Variants in ABHD2 observed in about 807,000 individuals in gnomAD.
ABHD2 encodes the protein abhydrolase domain containing 2, acylglycerol lipase.
ABHD2 carries 20 observed loss-of-function variants against 48.1 expected under a neutral mutation model. That is an observed-to-expected ratio of 0.42 (90% CI 0.29 to 0.60). The LOEUF is 0.60. Ranked by LOEUF, ABHD2 falls within the 20% of genes least tolerant of loss-of-function variation. The pLI, the probability that ABHD2 is intolerant of heterozygous loss-of-function variation, is 0.24. For synonymous variants in ABHD2, 209 were observed against 214.2 expected (o/e 0.98, Z 0.21); for missense variants, 405 against 550.9 (o/e 0.74, Z 2.65).
At chr15:89,089,353 C>T (rs1901500306) in intron 1 of ABHD2, among the ~76,000 whole-genome samples, 1 of 152,192 alleles carries the variant, frequency 6.6e-6, no homozygotes, top group South Asian at 2.1e-4. Context: ...TCTGGGGGTC[C>T]ATTAGGTTCC....
upstream of ABHD2, among the ~76,000 whole-genome samples, chr15:89,086,606 G>T (rs1389224575): frequency 2.6e-5 from 4 of 152,062 alleles, no homozygotes; most frequent in Admixed American, 6.5e-5. Context: ...GTAGAGACGG[G>T]GTCTCACTAT....
At position 89,100,080 on chromosome 15, in the gene ABHD2, C is replaced by T. The variant is rs778850623; in HGVS notation, c.-107+11517C>T. Among the ~76,000 whole-genome samples the T allele has an allele frequency of 6.8e-4, 103 of 152,064 alleles. 1 individual carries two copies. The highest frequency in any genetic ancestry group is 1.3e-3 in the Non-Finnish European group (88 of 67,972). The stretch of plus-strand genomic sequence containing the variant: ...TTATGGTCTGGAATGGGAGAAGGAA[C>T]GTGTGTGTGATCCATGTTACCTGTA... On this transcript the variant is annotated intron_variant, in intron 1 of 10. Coordinates refer to ENST00000352732, the MANE Select transcript of ABHD2 (RefSeq NM_152924.5). The surrounding 1 kb of genome is among the most constrained non-coding windows in gnomAD (Gnocchi z 4.4).
intron 3 of ABHD2, among the ~76,000 whole-genome samples, chr15:89,147,741 A>T (rs938257533): frequency 6.6e-6 from 1 of 152,162 alleles, no homozygotes; most frequent in African/African-American, 2.4e-5. Context: ...TTATCTTGTT[A>T]TATAACCATA....
In ABHD2 at chr15:89,152,369, G is replaced by A. The variant is rs184739503; in HGVS notation, c.370+517G>A. ...GCTGGGATTACAGGCGTGAGCCACC[G>A]CCCCCAGCCGTAGAATAGGTTTTAA... On this transcript the variant is annotated intron_variant, in intron 4 of 10. Coordinates refer to ENST00000352732, the MANE Select transcript of ABHD2 (RefSeq NM_152924.5). Among the ~76,000 whole-genome samples the A allele has an allele frequency of 6.6e-5, 10 of 152,186 alleles. No homozygotes were observed. In the East Asian group the frequency reaches 1.2e-3, roughly 18 times the overall value.
chr15:89,144,980 G>GGC (rs1213626539), intron 3 of ABHD2, among the ~76,000 whole-genome samples: 1 of 152,190 alleles, frequency 6.6e-6, no homozygotes, highest in Non-Finnish European at 1.5e-5. Context: ...CAGTAGGCCG[G>GGC]GCACAGTGGC....
At chr15:89,153,089 C>T (rs562959702) in intron 4 of ABHD2, among the ~76,000 whole-genome samples, 1 of 152,238 alleles carries the variant, frequency 6.6e-6, no homozygotes, top group South Asian at 2.1e-4. Flanking sequence ...GTCCCCAGAC[C>T]TTCACATGGC....
chr15:89,191,030 A>G, intron 8 of ABHD2, 50 bp from the exon 9 acceptor site: 1 of 1,587,796 alleles, frequency 6.3e-7, no homozygotes, highest in Non-Finnish European at 8.6e-7. Context: ...CTGATCTTAA[A>G]GACCAATGTT....
the ABHD2 span, among the ~76,000 whole-genome samples, chr15:89,058,247 T>A: frequency 6.6e-6 from 1 of 152,122 alleles, no homozygotes; most frequent in Non-Finnish European, 1.5e-5. Context: ...TCCTTTCAGA[T>A]CGTGAGGAGC....
At chr15:89,143,131 G>A (rs2050431974) in intron 3 of ABHD2, among the ~76,000 whole-genome samples, 1 of 151,988 alleles carries the variant, frequency 6.6e-6, no homozygotes, top group East Asian at 1.9e-4. Flanking sequence ...CATAGCTTCT[G>A]CTATAGCAAG....
chr15:89,156,115 C>CTTT (rs1185978751), intron 5 of ABHD2, among the ~76,000 whole-genome samples: 140 of 85,666 alleles, frequency 1.6e-3, no homozygotes, highest in African/African-American at 2.0e-3. Flanking sequence ...TTTTTATTGT[C>CTTT]TTTTTTTTTT....
rs532656507 is a variant in ABHD2, at chr15:89,145,749, G to A, written c.195-5928G>A. 1.6e-4 allele frequency among the ~76,000 whole-genome samples: 25 copies of A among 152,282 alleles called. No individual in the cohort carries two copies. In the South Asian group the frequency reaches 2.7e-3, roughly 16 times the overall value. On this transcript the variant is annotated intron_variant, in intron 3 of 10. Transcript: ENST00000352732. ...ATTGAAGGCATCCCTTTTAGTTGCC[G>A]TACTCCTGGGACATTGACCTTTGAG...
chr15:89,193,769 G>A (rs560850399), intron 10 of ABHD2, among the ~76,000 whole-genome samples: 1 of 152,254 alleles, frequency 6.6e-6, no homozygotes, highest in East Asian at 1.9e-4. Flanking sequence ...GGGCAATATA[G>A]TAAGACCCTA....
At chr15:89,045,145 C>G in the ABHD2 span, among the ~76,000 whole-genome samples, 1 of 152,110 alleles carries the variant, frequency 6.6e-6, no homozygotes, top group East Asian at 1.9e-4. Context: ...TTCCCAGCAC[C>G]ATTTATTAAA....
rs1458207529 is a variant in ABHD2, at chr15:89,094,196, T to A, written c.-107+5633T>A. ...CTAGAGTGCAGTGGCCCGATCTCGG[T>A]GCACTGCAACCTCTGCTTCCCGGGT... On this transcript the variant is annotated intron_variant, in intron 1 of 10. Coordinates refer to ENST00000352732, the MANE Select transcript of ABHD2 (RefSeq NM_152924.5). The surrounding 1 kb of genome is among the most constrained non-coding windows in gnomAD (Gnocchi z 4.7). 6.6e-6 allele frequency: 1 copy of A among 151,940 alleles called. No individual in the cohort carries two copies. Among genetic ancestry groups the A allele is most frequent in the Non-Finnish European group, 1.5e-5 (1 of 67,972 alleles). 9.4% of individuals were successfully genotyped at this position (151,940 alleles called of 1,614,324 possible). A position where few individuals can be genotyped will look rare whatever the true frequency, so the allele number is the denominator to read the frequency against.
the ABHD2 span, among the ~76,000 whole-genome samples, chr15:89,074,895 G>A: frequency 1.3e-5 from 2 of 152,074 alleles, no homozygotes; most frequent in Non-Finnish European, 2.9e-5. Context: ...TCATATCACT[G>A]ATAACATTTC....
In ABHD2 at chr15:89,140,461, CT is replaced by C. The variant is rs201242807; in HGVS notation, c.195-11207del. Among the ~76,000 whole-genome samples, 14 of 151,226 alleles carry C rather than the reference CT, an allele frequency of 9.3e-5. No homozygotes were observed. The South Asian group carries it at 1.9e-3, about 20-fold the overall frequency. ...GTGATAAATTAAAGATGAATTTCTTCTTTTTTTTTAACGTTACAATATAGTT... is the reference window on the plus strand; with the variant it reads ...GTGATAAATTAAAGATGAATTTCTTCTTTTTTTTAACGTTACAATATAGTT... On this transcript the variant is annotated intron_variant, in intron 3 of 10. Coordinates refer to ENST00000352732, the MANE Select transcript of ABHD2 (RefSeq NM_152924.5).
At position 89,107,829 on chromosome 15, in the gene ABHD2, T is replaced by C. The variant is rs114366256; in HGVS notation, c.-106-5896T>C. On this transcript the variant is annotated intron_variant, in intron 1 of 10. Coordinates refer to ENST00000352732, the MANE Select transcript of ABHD2 (RefSeq NM_152924.5). ...CCTTAGGACCCATAAGTATCAAAGC[T>C]TGTTGTGCTAGGTCCTTGAGGGTTG... 1.7e-3 allele frequency among the ~76,000 whole-genome samples: 254 copies of C among 152,294 alleles called. 2 individuals are homozygous for C. The highest frequency in any genetic ancestry group is 6.0e-3 in the African/African-American group (248 of 41,568).
chr15:89,126,382 C>T (rs1476612804), intron 3 of ABHD2, among the ~76,000 whole-genome samples: 2 of 152,190 alleles, frequency 1.3e-5, no homozygotes, highest in Non-Finnish European at 2.9e-5. Flanking sequence ...CTTTTATACT[C>T]CTTCTCAATG....
chr15:89,057,733 C>T, the ABHD2 span, among the ~76,000 whole-genome samples: 1 of 151,160 alleles, frequency 6.6e-6, no homozygotes. Context: ...TGCCACCATG[C>T]GGCTTCCCAG....
Sources: allele counts gnomAD v4.1 joint callset (sites outside exome capture counted in the v4.1 genomes callset), GRCh38; gene constraint gnomAD v4.1.1; non-coding constraint Gnocchi (gnomAD v3.1); transcripts MANE v1.5; gene names NCBI Gene and HGNC (gene_info 2026-07-23, HGNC 2026-07-21).